TMEM238L: variants seen among roughly 807,000 people sequenced by gnomAD.
TMEM238L encodes the protein transmembrane protein 238-like.
At chr17:10,803,412 C>T (rs1056451416) in intron 1 of TMEM238L, among the ~76,000 whole-genome samples, 194 bp downstream of exon 1, 1 of 152,148 alleles carries the variant, frequency 6.6e-6, no homozygotes, top group Admixed American at 6.5e-5. Flanking sequence ...AGGAAAAGGG[C>T]CCGGAGGAGA....
At chr17:10,796,994 A>G (rs1248919444) in intron 1 of TMEM238L, among the ~76,000 whole-genome samples, 1 of 152,194 alleles carries the variant, frequency 6.6e-6, no homozygotes, top group Non-Finnish European at 1.5e-5. Flanking sequence ...ATAATATGAG[A>G]GTGAACGAGC....
At chr17:10,800,167 C>G (rs1014902962) in intron 1 of TMEM238L, among the ~76,000 whole-genome samples, 1 of 152,074 alleles carries the variant, frequency 6.6e-6, no homozygotes, top group Non-Finnish European at 1.5e-5. Flanking sequence ...CTCCTGACCT[C>G]GTGATCCGCC....
chr17:10,800,586 A>G (rs189469146), intron 1 of TMEM238L, among the ~76,000 whole-genome samples: 1 of 152,342 alleles, frequency 6.6e-6, no homozygotes, highest in African/African-American at 2.4e-5. Flanking sequence ...GGCTACCTGC[A>G]TCGTGACTGA....
At chr17:10,800,266 A>G (rs1904697819) in intron 1 of TMEM238L, among the ~76,000 whole-genome samples, 1 of 152,174 alleles carries the variant, frequency 6.6e-6, no homozygotes, top group Non-Finnish European at 1.5e-5. Context: ...GGGAAGTAAA[A>G]TGATTCGCCC....
exon 1 of TMEM238L, chr17:10,803,862 C>G (rs192353286): frequency 2.7e-5 from 11 of 400,070 alleles, no homozygotes; most frequent in Admixed American, 8.8e-5. Context: ...AGATCCCCAG[C>G]AGCAAAAGGA....
chr17:10,801,131 A>C (rs1904732215), intron 1 of TMEM238L, among the ~76,000 whole-genome samples: 1 of 151,752 alleles, frequency 6.6e-6, no homozygotes, highest in South Asian at 2.1e-4. Flanking sequence ...GCTCACTGCA[A>C]GCTCCGCCTC....
intron 1 of TMEM238L, among the ~76,000 whole-genome samples, chr17:10,798,719 TG>T (rs931294934): frequency 1.3e-5 from 2 of 151,622 alleles, no homozygotes; most frequent in African/African-American, 2.4e-5. Flanking sequence ...TGTGAGTGTG[TG>T]GGGGGCGTGT....
At chr17:10,797,019 A>G (rs1262529532) in intron 1 of TMEM238L, among the ~76,000 whole-genome samples, 1 of 152,186 alleles carries the variant, frequency 6.6e-6, no homozygotes, top group Non-Finnish European at 1.5e-5. Flanking sequence ...CTGTGTTCCA[A>G]TAAAACACTA....
chr17:10,799,846 T>C (rs891727429), intron 1 of TMEM238L, among the ~76,000 whole-genome samples: 4 of 151,968 alleles, frequency 2.6e-5, no homozygotes, highest in Non-Finnish European at 5.9e-5. Flanking sequence ...TGGACTCCTG[T>C]CCCCTCACTC....
chr17:10,798,963 A>G (rs1157509840), intron 1 of TMEM238L, among the ~76,000 whole-genome samples: 2 of 152,182 alleles, frequency 1.3e-5, no homozygotes, highest in African/African-American at 4.8e-5. Context: ...ATAAAATCAA[A>G]CGGCAGCTTG....
chr17:10,803,901 G>A (rs549146372), exon 1 of TMEM238L: 7 of 399,618 alleles, frequency 1.8e-5, no homozygotes, highest in African/African-American at 1.0e-4. Flanking sequence ...GCAGGAGGGC[G>A]AGGATGAGGA....
At chr17:10,802,275 A>G (rs1026313917) in intron 1 of TMEM238L, 3 of 152,236 alleles carry the variant, frequency 2.0e-5, no homozygotes, top group African/African-American at 7.2e-5. Flanking sequence ...CTCATCCCAG[A>G]TTATGTGTTT....
rs527241959 is a variant in TMEM238L at position 10,801,681 on chromosome 17, TG to T, written c.*118+1924del. On this transcript the variant is annotated intron_variant, in intron 1 of 1. Coordinates refer to ENST00000581851, the Ensembl canonical transcript of TMEM238L. ...GCTCCTCTCCTTCCTAGAGCAGACC[TG>T]ACTTTGTTATTGTACTTTTGTAAGT... is the stretch of plus-strand genomic sequence containing the variant. 2.2e-3 allele frequency among the ~76,000 whole-genome samples: 335 copies of T among 152,322 alleles called. 1 individual carries two copies. The highest frequency in any genetic ancestry group is 3.8e-3 in the Non-Finnish European group (260 of 68,014).
At chr17:10,796,939 G>A (rs1381961534) in intron 1 of TMEM238L, among the ~76,000 whole-genome samples, 1 of 152,162 alleles carries the variant, frequency 6.6e-6, no homozygotes. Flanking sequence ...CATAGTCTCT[G>A]TTACCATTGC....
chr17:10,800,968 G>T (rs1429929134), intron 1 of TMEM238L, among the ~76,000 whole-genome samples: 1 of 152,068 alleles, frequency 6.6e-6, no homozygotes, highest in African/African-American at 2.4e-5. Flanking sequence ...CTATACTGTG[G>T]CCGGGGTGGT....
chr17:10,801,905 C>G (rs566616488), intron 1 of TMEM238L, among the ~76,000 whole-genome samples: 3 of 152,234 alleles, frequency 2.0e-5, no homozygotes, highest in East Asian at 3.9e-4. Context: ...CCTCAACCTC[C>G]TGAATAGCTG....
intron 1 of TMEM238L, among the ~76,000 whole-genome samples, chr17:10,803,360 G>C (rs908025878): frequency 1.3e-5 from 2 of 152,168 alleles, no homozygotes; most frequent in Non-Finnish European, 1.5e-5. Flanking sequence ...TGGTATATCA[G>C]GGGTGGAAGG....
intron 1 of TMEM238L, among the ~76,000 whole-genome samples, chr17:10,803,267 A>G (rs1904800761): frequency 6.6e-6 from 1 of 152,168 alleles, no homozygotes. Context: ...TTCCCAACAG[A>G]GAATGCAGAT....
intron 1 of TMEM238L, among the ~76,000 whole-genome samples, chr17:10,797,513 C>G (rs903876458): frequency 3.3e-5 from 5 of 151,700 alleles, no homozygotes; most frequent in African/African-American, 1.2e-4. Flanking sequence ...CCCTCCACAT[C>G]TGATCTTTCT....
Sources: allele counts gnomAD v4.1 joint callset (sites outside exome capture counted in the v4.1 genomes callset), GRCh38; gene constraint gnomAD v4.1.1; transcripts MANE v1.5; gene names NCBI Gene and HGNC (gene_info 2026-07-23, HGNC 2026-07-21).